The following ZMAT4 variants were observed in gnomAD, a reference collection of about 807,000 sequenced individuals.
ZMAT4 encodes the protein zinc finger matrin-type 4.
ZMAT4 carries 17 observed loss-of-function variants against 28.7 expected under a neutral mutation model. The ratio of observed to expected loss-of-function variants is 0.59; its 90% CI spans 0.41 to 0.89. ZMAT4 has a LOEUF of 0.89. Ranked by LOEUF, ZMAT4 falls within the 40% of genes least tolerant of loss-of-function variation. The pLI, the probability that ZMAT4 is intolerant of heterozygous loss-of-function variation, is 0.00. For missense variants in ZMAT4, 240 were observed against 283.8 expected, an observed-to-expected ratio of 0.85 and a Z score of 1.11; for synonymous variants, 117 against 109.2, an observed-to-expected ratio of 1.07 and a Z score of -0.44.
intron 3 of ZMAT4, among the ~76,000 whole-genome samples, chr8:40,722,638 C>T (rs536317165): frequency 6.6e-6 from 1 of 152,190 alleles, no homozygotes; most frequent in African/African-American, 2.4e-5. Flanking sequence ...TTCTTTGATG[C>T]ATAAAAATAA....
At chr8:40,791,078 A>G (rs1365702878) in intron 2 of ZMAT4, among the ~76,000 whole-genome samples, 1 of 152,256 alleles carries the variant, frequency 6.6e-6, no homozygotes, top group East Asian at 1.9e-4. Context: ...CTGGATATCC[A>G]TAAGCAAAAG....
intron 1 of ZMAT4, among the ~76,000 whole-genome samples, chr8:40,829,656 A>T (rs1337752311): frequency 1.3e-5 from 2 of 152,210 alleles, no homozygotes; most frequent in African/African-American, 2.4e-5. Context: ...AGAGACATAC[A>T]CACACCAACA....
At chr8:40,622,701 C>T (rs1400033615) in intron 5 of ZMAT4, among the ~76,000 whole-genome samples, 2 of 152,146 alleles carry the variant, frequency 1.3e-5, no homozygotes, top group Non-Finnish European at 2.9e-5. Flanking sequence ...CCACTCATGG[C>T]GGAAGAGGAA....
chr8:40,710,652 G>T (rs1466101848), intron 3 of ZMAT4, among the ~76,000 whole-genome samples: 1 of 151,884 alleles, frequency 6.6e-6, no homozygotes, highest in Non-Finnish European at 1.5e-5. Flanking sequence ...TAAGAAGTGT[G>T]CCACATGATC....
intron 1 of ZMAT4, among the ~76,000 whole-genome samples, chr8:40,872,779 G>C (rs950281482): frequency 6.6e-6 from 1 of 152,150 alleles, no homozygotes; most frequent in African/African-American, 2.4e-5. Flanking sequence ...GATGCCAATT[G>C]GGGTAGGGGG....
chr8:40,793,191 AG>A (rs1814436769), intron 2 of ZMAT4, among the ~76,000 whole-genome samples: 2 of 152,194 alleles, frequency 1.3e-5, no homozygotes, highest in Non-Finnish European at 2.9e-5. Flanking sequence ...CCGTGGTGAG[AG>A]GGGGGTACAT....
At chr8:40,579,389 G>A (rs949907358) in intron 6 of ZMAT4, among the ~76,000 whole-genome samples, 1 of 152,148 alleles carries the variant, frequency 6.6e-6, no homozygotes, top group East Asian at 1.9e-4. Flanking sequence ...GTTACTTAGA[G>A]AAATGATGAA....
chr8:40,722,936 A>T (rs556153457), intron 3 of ZMAT4, among the ~76,000 whole-genome samples: 30 of 152,276 alleles, frequency 2.0e-4, no homozygotes, highest in Admixed American at 2.0e-4. Flanking sequence ...CATGTACAAG[A>T]AAAGGTTTTC....
intron 4 of ZMAT4, among the ~76,000 whole-genome samples, chr8:40,675,579 TA>T (rs1429807872): frequency 6.6e-6 from 1 of 152,172 alleles, no homozygotes; most frequent in Non-Finnish European, 1.5e-5. Flanking sequence ...TCAGTCAAAA[TA>T]AAGCTAATAC....
At chr8:40,649,556 A>G (rs535691471) in intron 5 of ZMAT4, among the ~76,000 whole-genome samples, 8 of 152,234 alleles carry the variant, frequency 5.3e-5, no homozygotes, top group African/African-American at 1.9e-4. Context: ...AATTGAACTC[A>G]GCTCTGCACC....
chr8:40,576,133 A>G (rs945058387), intron 6 of ZMAT4, among the ~76,000 whole-genome samples: 2 of 152,114 alleles, frequency 1.3e-5, no homozygotes, highest in African/African-American at 4.8e-5. Context: ...GAAAAATAAT[A>G]AAGAATAAAA....
intron 5 of ZMAT4, among the ~76,000 whole-genome samples, chr8:40,659,189 C>G (rs1427082045): frequency 1.3e-5 from 2 of 152,100 alleles, no homozygotes; most frequent in Admixed American, 1.3e-4. Context: ...ACTAAATAAC[C>G]TTTACATCTA....
At chr8:40,756,426 T>TTTTATATATATATA (rs1389568182) in intron 3 of ZMAT4, among the ~76,000 whole-genome samples, 2 of 73,284 alleles carry the variant, frequency 2.7e-5, no homozygotes, top group South Asian at 5.9e-4. Flanking sequence ...AAATGTTCTT[T>TTTTATATATATATA]TATATATATA....
chr8:40,851,302 T>G (rs2150635537), intron 1 of ZMAT4, among the ~76,000 whole-genome samples: 1 of 152,240 alleles, frequency 6.6e-6, no homozygotes, highest in East Asian at 1.9e-4. Flanking sequence ...CTCTCCAGCC[T>G]GAGTGATAAG....
chr8:40,532,575 A>G (rs1802724278), intron 6 of ZMAT4, among the ~76,000 whole-genome samples: 1 of 152,184 alleles, frequency 6.6e-6, no homozygotes, highest in Admixed American at 6.5e-5. Context: ...TTTAAGTTTC[A>G]GGTATAACTA....
chr8:40,828,973 T>A (rs575431668), intron 1 of ZMAT4, among the ~76,000 whole-genome samples: 35 of 151,212 alleles, frequency 2.3e-4, no homozygotes, highest in South Asian at 6.3e-4. Context: ...AAAAAAAAAA[T>A]TTCCAGTTTT....
chr8:40,692,351 A>C (rs753478247), intron 4 of ZMAT4, among the ~76,000 whole-genome samples: 5 of 152,202 alleles, frequency 3.3e-5, no homozygotes, highest in Non-Finnish European at 7.3e-5. Context: ...GAATTATATG[A>C]AAGATTGCAC....
intron 1 of ZMAT4, among the ~76,000 whole-genome samples, chr8:40,846,086 C>A (rs190254923): frequency 9.1e-4 from 138 of 152,324 alleles, no homozygotes; most frequent in Non-Finnish European, 1.6e-3. Flanking sequence ...GTCAAACTTT[C>A]ACTAAACAGT....
intron 5 of ZMAT4, among the ~76,000 whole-genome samples, chr8:40,633,571 A>G (rs1387351266): frequency 6.6e-6 from 1 of 152,154 alleles, no homozygotes; most frequent in Non-Finnish European, 1.5e-5. Flanking sequence ...GCCATCTCAG[A>G]GCTACCCTGC....
Sources: allele counts gnomAD v4.1 joint callset (sites outside exome capture counted in the v4.1 genomes callset), GRCh38; gene constraint gnomAD v4.1.1; transcripts MANE v1.5; gene names NCBI Gene and HGNC (gene_info 2026-07-23, HGNC 2026-07-21).